Variants in RABGAP1L observed in about 807,000 individuals in gnomAD.
The protein encoded by RABGAP1L is rab GTPase-activating protein 1-like.
RABGAP1L carries 63 observed loss-of-function variants against 137.7 expected under a neutral mutation model. That is an observed-to-expected ratio of 0.46 (90% CI 0.37 to 0.56). The LOEUF (loss-of-function observed/expected upper bound fraction) is 0.56, where lower values mean the gene tolerates loss of function less well. RABGAP1L is among the 20% of genes least tolerant of loss of function. The probability of loss-of-function intolerance (pLI) is 0.00; values close to 1 mark genes in which losing one functional copy is unlikely to be tolerated. For synonymous variants in RABGAP1L, 431 were observed against 433.7 expected (o/e 0.99, Z 0.08); for missense variants, 1,095 against 1,244.0 (o/e 0.88, Z 1.80).
chr1:174,610,349 T>C (rs1441669339), intron 13 of RABGAP1L, among the ~76,000 whole-genome samples: 10 of 151,674 alleles, frequency 6.6e-5, no homozygotes, highest in Non-Finnish European at 1.2e-4. Context: ...AATGATGATT[T>C]CCAATTTCAT....
chr1:174,667,829 C>T (rs557674388), intron 14 of RABGAP1L, among the ~76,000 whole-genome samples: 20 of 152,182 alleles, frequency 1.3e-4, no homozygotes, highest in Non-Finnish European at 2.9e-4. Flanking sequence ...TACATGTTGA[C>T]CTCCTCCACA....
At chr1:174,190,031 G>A (rs1313297756) in intron 1 of RABGAP1L, among the ~76,000 whole-genome samples, 1 of 152,196 alleles carries the variant, frequency 6.6e-6, no homozygotes, top group Non-Finnish European at 1.5e-5. Flanking sequence ...TTGGCTGGGT[G>A]CAGTGGCTAA....
chr1:174,863,709 C>T (rs1650709940), intron 19 of RABGAP1L, among the ~76,000 whole-genome samples: 1 of 150,774 alleles, frequency 6.6e-6, no homozygotes, highest in Non-Finnish European at 1.5e-5. Flanking sequence ...TGGCCAGGCA[C>T]AGTGGCTCAC....
intron 13 of RABGAP1L, among the ~76,000 whole-genome samples, chr1:174,621,892 A>T (rs1672512768): frequency 6.6e-6 from 1 of 152,230 alleles, no homozygotes; most frequent in African/African-American, 2.4e-5. Context: ...ACAGCAAAAG[A>T]AACTACCATC....
At chr1:174,187,080 C>T (rs1666859552) in intron 1 of RABGAP1L, among the ~76,000 whole-genome samples, 1 of 152,112 alleles carries the variant, frequency 6.6e-6, no homozygotes, top group South Asian at 2.1e-4. Context: ...ACATATTGTT[C>T]CCATAACCTG....
chr1:174,432,064 A>G (rs1449853349), intron 13 of RABGAP1L, among the ~76,000 whole-genome samples: 1 of 152,166 alleles, frequency 6.6e-6, no homozygotes, highest in Non-Finnish European at 1.5e-5. Flanking sequence ...CCCTTCACCC[A>G]GGTAGTGAGC....
rs368245455 is a variant in RABGAP1L, at chr1:174,536,979, G to A, written c.1711-100396G>A. On this transcript the variant is annotated intron_variant, in intron 13 of 25. Transcript: ENST00000681986. Reference sequence around the variant, plus strand: ...ACCAAGGAAATTTTGAATTTGTAGAGCATAAGTAGATACTGACAATTTTTC... The same window carrying A: ...ACCAAGGAAATTTTGAATTTGTAGAACATAAGTAGATACTGACAATTTTTC... Among the ~76,000 whole-genome samples, 44 of 152,230 alleles carry A rather than the reference G, an allele frequency of 2.9e-4. No homozygotes were observed. In the South Asian group the frequency reaches 7.5e-3, roughly 26 times the overall value.
At chr1:174,663,218 C>A (rs1183509833) in intron 14 of RABGAP1L, among the ~76,000 whole-genome samples, 2 of 152,148 alleles carry the variant, frequency 1.3e-5, no homozygotes, top group African/African-American at 4.8e-5. Context: ...TCAGTAAGTG[C>A]CCTATACAGG....
chr1:174,443,191 T>G (rs2149236560), intron 13 of RABGAP1L, among the ~76,000 whole-genome samples: 1 of 152,250 alleles, frequency 6.6e-6, no homozygotes, highest in South Asian at 2.1e-4. Context: ...GGTAGTGCAT[T>G]TATCTGTTTG....
At chr1:174,260,691 T>G (rs1477052050) in intron 7 of RABGAP1L, among the ~76,000 whole-genome samples, 2 of 152,198 alleles carry the variant, frequency 1.3e-5, no homozygotes, top group Non-Finnish European at 2.9e-5. Context: ...TGCAAAAGAT[T>G]TCTTGCATAC....
intron 19 of RABGAP1L, among the ~76,000 whole-genome samples, chr1:174,938,052 G>A (rs953869880): frequency 2.2e-5 from 3 of 134,268 alleles, no homozygotes; most frequent in Admixed American, 1.5e-4. Context: ...TGAGCTAAAA[G>A]CATATAACAC....
chr1:174,925,354 CAAAAAAAAAAAAA>C (rs545791515), intron 19 of RABGAP1L, among the ~76,000 whole-genome samples: 14 of 54,784 alleles, frequency 2.6e-4, no homozygotes, highest in African/African-American at 6.5e-4. Flanking sequence ...GACTCCGTCT[CAAAAAAAAAAAAA>C]AAAAAAAAAA....
At chr1:174,384,436 A>G (rs539894522) in intron 12 of RABGAP1L, among the ~76,000 whole-genome samples, 1 of 152,212 alleles carries the variant, frequency 6.6e-6, no homozygotes, top group Admixed American at 6.5e-5. Context: ...CCTTAAATAA[A>G]TGACAAAAAA....
chr1:174,537,651 G>T (rs1179622719), intron 13 of RABGAP1L, among the ~76,000 whole-genome samples: 2 of 152,210 alleles, frequency 1.3e-5, no homozygotes, highest in African/African-American at 4.8e-5. Context: ...ACTATGGAGA[G>T]AGGTGTAGAG....
At chr1:174,648,338 G>T (rs1018882234) in intron 14 of RABGAP1L, among the ~76,000 whole-genome samples, 1 of 151,978 alleles carries the variant, frequency 6.6e-6, no homozygotes, top group African/African-American at 2.4e-5. Flanking sequence ...TGATGTGGGG[G>T]TTTAGTGCTA....
chr1:174,498,341 T>C (rs1372796466), intron 13 of RABGAP1L, among the ~76,000 whole-genome samples: 2 of 152,190 alleles, frequency 1.3e-5, no homozygotes, highest in African/African-American at 2.4e-5. Context: ...GCTAATTAAT[T>C]AAAAGGTCTT....
intron 11 of RABGAP1L, among the ~76,000 whole-genome samples, chr1:174,320,620 A>G (rs1403132188): frequency 6.6e-6 from 1 of 152,130 alleles, no homozygotes; most frequent in African/African-American, 2.4e-5. Flanking sequence ...TAGTTCCCCA[A>G]ATTAATACTT....
intron 19 of RABGAP1L, among the ~76,000 whole-genome samples, chr1:174,902,436 C>A (rs1189815976): frequency 1.3e-5 from 2 of 152,182 alleles, no homozygotes; most frequent in African/African-American, 4.8e-5. Flanking sequence ...AAGTGGGGCC[C>A]ACAGAACGTC....
chr1:174,466,891 G>A (rs900768836), intron 13 of RABGAP1L, among the ~76,000 whole-genome samples: 2 of 152,196 alleles, frequency 1.3e-5, no homozygotes, highest in Admixed American at 6.5e-5. Context: ...TACTGGGCAT[G>A]TTACCTAACC....
Sources: gnomAD v4.1 joint callset for allele counts (sites outside exome capture counted in the v4.1 genomes callset) on GRCh38, gnomAD v4.1.1 for gene constraint, MANE v1.5 for transcripts, NCBI Gene and HGNC (gene_info 2026-07-23, HGNC 2026-07-21) for gene names.